IL1RAPL2: variants seen among roughly 807,000 people sequenced by gnomAD.
IL1RAPL2 encodes the protein interleukin 1 receptor accessory protein like 2.
A neutral mutation model predicts 44.1 loss-of-function variants in IL1RAPL2; 3 were observed. The ratio of observed to expected loss-of-function variants is 0.07; its 90% CI spans 0.03 to 0.18. IL1RAPL2 has a LOEUF of 0.18. Among genes scored for constraint, IL1RAPL2 ranks in the 10% least tolerant of loss-of-function variants. IL1RAPL2 has a pLI of 1.00. For missense variants in IL1RAPL2, 391 were observed against 496.4 expected (o/e 0.79, Z 2.02); for synonymous variants, 181 against 178.8 (o/e 1.01, Z -0.10).
At chrX:104,707,292 G>A (rs1931378775) in intron 2 of IL1RAPL2, among the ~76,000 whole-genome samples, 2 of 111,557 alleles carry the variant, frequency 1.8e-5, no homozygotes, top group Admixed American at 1.9e-4. Context: ...TATCAAAAGG[G>A]AAAGGGTACT....
intron 6 of IL1RAPL2, among the ~76,000 whole-genome samples, chrX:105,503,733 G>C (rs370901453): frequency 2.9e-4 from 32 of 111,548 alleles, no homozygotes; most frequent in African/African-American, 1.0e-3. Context: ...CAGCAGTACT[G>C]TTTCCTTCTG....
At chrX:105,080,329 C>T (rs778561812) in intron 2 of IL1RAPL2, among the ~76,000 whole-genome samples, 48 of 112,030 alleles carry the variant, frequency 4.3e-4, no homozygotes, top group Non-Finnish European at 8.6e-4. Context: ...CCTAGGTTTT[C>T]TTCTAGGGTA....
At chrX:104,770,254 A>G (rs1202327307) in intron 2 of IL1RAPL2, among the ~76,000 whole-genome samples, 6 of 111,718 alleles carry the variant, frequency 5.4e-5, no homozygotes, top group Middle Eastern at 9.2e-3. Flanking sequence ...TAATAATAGC[A>G]CAACAAACAT....
rs776563769 is a variant in IL1RAPL2 at position 105,457,645 on chromosome X, TTA to T, written c.698-26658_698-26657del. ...ATATGCATGTATATATATGTATGTT[TTA>T]TATATATATGTATGTTTTATATATA... On this transcript the variant is annotated intron_variant, in intron 5 of 10. Coordinates refer to ENST00000372582, the MANE Select transcript of IL1RAPL2 (RefSeq NM_017416.2). Among the ~76,000 whole-genome samples, 58 of 108,639 alleles carry T rather than the reference TTA, an allele frequency of 5.3e-4. 1 individual carries two copies. The South Asian group carries it at 0.018, about 35-fold the overall frequency. 94.3% of individuals were successfully genotyped at this position (108,639 alleles called of 115,157 possible).
At chrX:105,009,068 A>G (rs1173584811) in intron 2 of IL1RAPL2, among the ~76,000 whole-genome samples, 2 of 111,975 alleles carry the variant, frequency 1.8e-5, no homozygotes, top group African/African-American at 3.2e-5. Flanking sequence ...CACACCAGTT[A>G]GAATGGCGAG....
At chrX:105,198,371 CTT>C (rs2033688810) in intron 3 of IL1RAPL2, among the ~76,000 whole-genome samples, 1 of 111,766 alleles carries the variant, frequency 8.9e-6, no homozygotes, top group Non-Finnish European at 1.9e-5. Flanking sequence ...TGAGTATACA[CTT>C]TGTTTCCAGT....
chrX:105,692,903 T>C (rs1229682006), intron 6 of IL1RAPL2, among the ~76,000 whole-genome samples: 1 of 111,681 alleles, frequency 9.0e-6, no homozygotes, highest in Admixed American at 9.5e-5. Context: ...AGTTATCTGA[T>C]AATAAAAATA....
intron 10 of IL1RAPL2, among the ~76,000 whole-genome samples, chrX:105,761,111 G>A (rs1334380797): frequency 9.6e-6 from 1 of 104,493 alleles, no homozygotes; most frequent in Non-Finnish European, 1.9e-5. Context: ...CCCAGGAGAC[G>A]AAGGTTGCAG....
rs1403271585 is a variant in IL1RAPL2 at position 104,942,701 on chromosome X, G to A, written c.83-252774G>A. 1.8e-4 allele frequency among the ~76,000 whole-genome samples: 20 copies of A among 111,185 alleles called. 1 individual carries two copies. In the South Asian group the frequency reaches 2.3e-3, roughly 13 times the overall value. On this transcript the variant is annotated intron_variant, in intron 2 of 10. Coordinates refer to ENST00000372582, the MANE Select transcript of IL1RAPL2 (RefSeq NM_017416.2). ...TACCCTTTATTTCCTTCTCCTGCCT[G>A]ATTGCCCTGGCCAGAACTTCCAACA... is the stretch of plus-strand genomic sequence containing the variant.
At chrX:105,247,698 A>G (rs1234393176) in intron 4 of IL1RAPL2, among the ~76,000 whole-genome samples, 4 of 107,227 alleles carry the variant, frequency 3.7e-5, no homozygotes, top group Non-Finnish European at 7.7e-5. Context: ...AGGTATATTA[A>G]TATAAAGTTA....
chrX:105,198,257 T>C (rs781922530), intron 3 of IL1RAPL2, among the ~76,000 whole-genome samples: 1 of 112,046 alleles, frequency 8.9e-6, no homozygotes, highest in South Asian at 3.7e-4. Context: ...CCTTTGGGTA[T>C]ATACCCAATA....
At chrX:104,607,049 C>T (rs1294791069) in intron 1 of IL1RAPL2, among the ~76,000 whole-genome samples, 1 of 111,454 alleles carries the variant, frequency 9.0e-6, no homozygotes, top group Non-Finnish European at 1.9e-5. Context: ...ACCTATAGAC[C>T]AATGGAACAG....
intron 2 of IL1RAPL2, among the ~76,000 whole-genome samples, chrX:104,731,055 A>C (rs752588605): frequency 9.0e-6 from 1 of 111,104 alleles, no homozygotes; most frequent in African/African-American, 3.3e-5. Context: ...CCTTTGCCCA[A>C]TTTTTGATGG....
At chrX:105,128,834 G>T (rs116594146) in intron 2 of IL1RAPL2, among the ~76,000 whole-genome samples, 9,470 of 110,604 alleles carry the variant, frequency 0.086, 990 homozygotes, top group African/African-American at 0.29. Flanking sequence ...TCTAATATTA[G>T]CTATAGTACA....
intron 6 of IL1RAPL2, among the ~76,000 whole-genome samples, chrX:105,544,533 C>T (rs1225191033): frequency 9.0e-6 from 1 of 111,262 alleles, no homozygotes; most frequent in Non-Finnish European, 1.9e-5. Context: ...AGTATGGTTA[C>T]TGGCTGCATG....
chrX:105,312,545 A>G (rs1358252924), intron 5 of IL1RAPL2, among the ~76,000 whole-genome samples: 1 of 111,860 alleles, frequency 8.9e-6, no homozygotes, highest in African/African-American at 3.2e-5. Context: ...AGTTGGTATG[A>G]CATTTTTCCT....
At chrX:105,177,041 G>A (rs930197215) in intron 2 of IL1RAPL2, among the ~76,000 whole-genome samples, 4 of 111,131 alleles carry the variant, frequency 3.6e-5, no homozygotes, top group Non-Finnish European at 7.5e-5. Context: ...TCAACCTCCT[G>A]GACCACAGAC....
intron 5 of IL1RAPL2, among the ~76,000 whole-genome samples, chrX:105,359,238 C>T (rs933306278): frequency 9.0e-6 from 1 of 111,693 alleles, no homozygotes; most frequent in Non-Finnish European, 1.9e-5. Context: ...GCAACTTGAA[C>T]TGCCCTTTAA....
chrX:104,885,801 T>TA (rs1482339467), intron 2 of IL1RAPL2, among the ~76,000 whole-genome samples: 2 of 112,472 alleles, frequency 1.8e-5, no homozygotes, highest in African/African-American at 3.2e-5. Flanking sequence ...AAGGACACTT[T>TA]AAAAAAGATT....
Sources: gnomAD v4.1 joint callset for allele counts (sites outside exome capture counted in the v4.1 genomes callset) on GRCh38, gnomAD v4.1.1 for gene constraint, MANE v1.5 for transcripts, NCBI Gene and HGNC (gene_info 2026-07-23, HGNC 2026-07-21) for gene names.